DNAH12: variants seen among roughly 807,000 people sequenced by gnomAD.
The protein encoded by DNAH12 is axonemal beta dynein heavy chain 12.
A neutral mutation model predicts 371.5 loss-of-function variants in DNAH12; 285 were observed. That is an observed-to-expected ratio of 0.77 (90% CI 0.70 to 0.85). The LOEUF (loss-of-function observed/expected upper bound fraction) is 0.85, where lower values mean the gene tolerates loss of function less well. DNAH12 is among the 40% of genes least tolerant of loss of function. The pLI is 0.00. For missense variants in DNAH12, 3,611 were observed against 3,689.4 expected (o/e 0.98, Z 0.55); for synonymous variants, 1,200 against 1,213.0 (o/e 0.99, Z 0.22).
intron 2 of DNAH12, among the ~76,000 whole-genome samples, chr3:57,542,437 A>C (rs1264270870): frequency 6.6e-6 from 1 of 152,170 alleles, no homozygotes; most frequent in African/African-American, 2.4e-5. Context: ...ACCTCAGTAT[A>C]CTCATCTAAA....
intron 34 of DNAH12, among the ~76,000 whole-genome samples, chr3:57,427,126 T>C (rs932905295): frequency 3.7e-5 from 4 of 109,222 alleles, no homozygotes; most frequent in African/African-American, 1.6e-4. Flanking sequence ...TTTATTTATA[T>C]GTAAGAAGCG....
intron 60 of DNAH12, among the ~76,000 whole-genome samples, chr3:57,338,221 G>A (rs149274187): frequency 5.0e-4 from 76 of 152,248 alleles, no homozygotes; most frequent in African/African-American, 9.9e-4. Context: ...TGTGTTGGCC[G>A]GGCTGGTCTC....
chr3:57,321,462 C>T (rs986089546), intron 65 of DNAH12, among the ~76,000 whole-genome samples: 1 of 152,034 alleles, frequency 6.6e-6, no homozygotes, highest in South Asian at 2.1e-4. Context: ...GTTTCATGTG[C>T]CCAATTAATA....
At chr3:57,479,326 GC>G (rs2066652706) in intron 13 of DNAH12, among the ~76,000 whole-genome samples, 1 of 151,990 alleles carries the variant, frequency 6.6e-6, no homozygotes, top group Non-Finnish European at 1.5e-5. Context: ...GACAAAGAAG[GC>G]CATTACATAA....
chr3:57,415,811 C>T (rs1381004986), intron 37 of DNAH12, among the ~76,000 whole-genome samples: 4 of 128,884 alleles, frequency 3.1e-5, no homozygotes, highest in Non-Finnish European at 6.3e-5. Flanking sequence ...TTTTTTGAGA[C>T]AGAGTCTCAC....
At chr3:57,320,394 C>A (rs987646098) in intron 65 of DNAH12, among the ~76,000 whole-genome samples, 1 of 152,142 alleles carries the variant, frequency 6.6e-6, no homozygotes, top group Admixed American at 6.6e-5. Flanking sequence ...AAAGTGAGTA[C>A]AGCAGGCAGA....
chr3:57,349,751 G>A (rs549686257), intron 60 of DNAH12, among the ~76,000 whole-genome samples: 6 of 152,270 alleles, frequency 3.9e-5, no homozygotes, highest in East Asian at 1.9e-4. Flanking sequence ...ATGCAGTGGC[G>A]CTATCTTGGC....
chr3:57,480,700 A>C (rs1303407941), intron 13 of DNAH12, among the ~76,000 whole-genome samples: 4 of 152,192 alleles, frequency 2.6e-5, no homozygotes, highest in Non-Finnish European at 5.9e-5. Flanking sequence ...ATCCAGCAGC[A>C]CATCAAAAAG....
rs540892777 is a variant in DNAH12, at chr3:57,331,755, T to C, written c.9978+2710A>G. On this transcript the variant is annotated intron_variant, in intron 62 of 73. Transcript: ENST00000495027. ...ATTCTTTCCTCAAACAAACCTTAGT[T>C]AGACAGGCTCCTCTGAACCCCTTTT... 3.7e-3 allele frequency among the ~76,000 whole-genome samples: 553 copies of C among 147,914 alleles called. 6 individuals are homozygous for C. The highest frequency in any genetic ancestry group is 0.013 in the African/African-American group (526 of 40,938).
intron 25 of DNAH12, among the ~76,000 whole-genome samples, chr3:57,450,221 C>G (rs1222069312): frequency 7.5e-6 from 1 of 132,840 alleles, no homozygotes; most frequent in Non-Finnish European, 1.5e-5. Flanking sequence ...GCACTCCAGC[C>G]TGGGTGACAG....
rs1358315564 is a variant in DNAH12 at position 57,502,453 on chromosome 3, T to C, written c.1113A>G (p.Leu371=). The change falls in exon 10 of 74, where the codon CTA becomes CTG. Residue 371 remains leucine, a synonymous_variant. Coordinates refer to ENST00000495027, the MANE Select transcript of DNAH12 (RefSeq NM_001366028.2). ...GATTTACTGGTGTTGAAGTTCCTGATAGCCAAGAGGGGATTGTTTGGACAT... is the reference window on the plus strand; with the variant it reads ...GATTTACTGGTGTTGAAGTTCCTGACAGCCAAGAGGGGATTGTTTGGACAT... ...LQNVQTIPSW[L]SGTSTPVNLD... 6.2e-6 allele frequency: 10 copies of C among 1,614,182 alleles called. No homozygotes were observed. The Admixed American group carries it at 1.2e-4, about 19-fold the overall frequency.
chr3:57,480,812 C>A (rs2066714188), intron 13 of DNAH12, among the ~76,000 whole-genome samples: 1 of 152,130 alleles, frequency 6.6e-6, no homozygotes. Flanking sequence ...GAACCAAAGA[C>A]AAAAACCATA....
At chr3:57,461,376 G>T in intron 19 of DNAH12, 113 bp downstream of exon 19, 1 of 932,292 alleles carries the variant, frequency 1.1e-6, no homozygotes, top group South Asian at 1.8e-5. Flanking sequence ...TCTATGATTT[G>T]AATAAACACT....
At chr3:57,555,681 T>A in the DNAH12 span, among the ~76,000 whole-genome samples, 1 of 152,244 alleles carries the variant, frequency 6.6e-6, no homozygotes, top group African/African-American at 2.4e-5. Context: ...TCATAAGAAC[T>A]ATGAGGCTTA....
intron 17 of DNAH12, among the ~76,000 whole-genome samples, chr3:57,464,735 A>C (rs756278247): frequency 1.3e-5 from 2 of 152,200 alleles, no homozygotes; most frequent in Non-Finnish European, 2.9e-5. Context: ...AACTAGACTG[A>C]TCAACAAAAA....
intron 29 of DNAH12, among the ~76,000 whole-genome samples, chr3:57,438,779 C>T (rs1009336824): frequency 6.6e-6 from 1 of 151,770 alleles, no homozygotes; most frequent in African/African-American, 2.4e-5. Context: ...ATGGTGAAAC[C>T]CCATCTCTAC....
At chr3:57,471,363 A>T in intron 15 of DNAH12, 109 bp downstream of exon 15, 1 of 1,034,872 alleles carries the variant, frequency 9.7e-7, no homozygotes, top group Non-Finnish European at 1.3e-6. Flanking sequence ...ATATAGAGTA[A>T]ACATAAAAAA....
At chr3:57,440,757 G>A (rs941715313) in intron 29 of DNAH12, among the ~76,000 whole-genome samples, 2 of 152,306 alleles carry the variant, frequency 1.3e-5, no homozygotes, top group Non-Finnish European at 2.9e-5. Flanking sequence ...GGAGGCCAAG[G>A]TGAGTGGATG....
At chr3:57,423,841 C>T (rs2064671333) in intron 35 of DNAH12, among the ~76,000 whole-genome samples, 1 of 151,850 alleles carries the variant, frequency 6.6e-6, no homozygotes, top group African/African-American at 2.4e-5. Context: ...TGAGATGGAG[C>T]AATTCTCCTG....
Sources: allele counts gnomAD v4.1 joint callset (sites outside exome capture counted in the v4.1 genomes callset), GRCh38; gene constraint gnomAD v4.1.1; transcripts MANE v1.5; gene names NCBI Gene and HGNC (gene_info 2026-07-23, HGNC 2026-07-21).